The following KIZ variants were observed in gnomAD, a reference collection of about 807,000 sequenced individuals.
The protein encoded by KIZ is centrosomal protein kizuna.
A neutral mutation model predicts 79.6 loss-of-function variants in KIZ; 68 were observed. The observed-to-expected ratio is 0.85, with a 90% CI of 0.70 to 1.05. The LOEUF (loss-of-function observed/expected upper bound fraction) is 1.05. Ranked by LOEUF, KIZ falls within the 50% of genes least tolerant of loss-of-function variation. The probability of loss-of-function intolerance (pLI) is 0.00; values close to 1 mark genes in which losing one functional copy is unlikely to be tolerated. For synonymous variants in KIZ, 280 were observed against 281.8 expected (o/e 0.99, Z 0.06); for missense variants, 797 against 800.4 (o/e 1.00, Z 0.05).
At chr20:21,182,869 C>G (rs1481301243) in intron 6 of KIZ, among the ~76,000 whole-genome samples, 2 of 151,648 alleles carry the variant, frequency 1.3e-5, no homozygotes, top group Non-Finnish European at 2.9e-5. Flanking sequence ...CCCTCCCTCT[C>G]TCTGCTCTTT....
At chr20:21,179,807 A>G (rs529688033) in intron 6 of KIZ, among the ~76,000 whole-genome samples, 2 of 151,824 alleles carry the variant, frequency 1.3e-5, no homozygotes, top group Non-Finnish European at 2.9e-5. Context: ...GTCCCTGTTG[A>G]TTTATTTTGT....
chr20:21,211,532 A>T (rs1169750937), intron 7 of KIZ, among the ~76,000 whole-genome samples: 1 of 152,220 alleles, frequency 6.6e-6, no homozygotes, highest in African/African-American at 2.4e-5. Flanking sequence ...AATCATAAGC[A>T]CTATCAGAAA....
intron 6 of KIZ, among the ~76,000 whole-genome samples, chr20:21,171,646 T>C (rs1214231386): frequency 3.9e-5 from 6 of 152,142 alleles, no homozygotes; most frequent in African/African-American, 1.4e-4. Context: ...GGTTTCACCA[T>C]GTTGGCCAGG....
chr20:21,214,773 C>CT (rs2036219761), intron 8 of KIZ, 73 bp downstream of exon 8: 1 of 944,972 alleles, frequency 1.1e-6, no homozygotes, highest in African/African-American at 1.6e-5. Context: ...CAAGGTACAC[C>CT]TATAGAATAT....
chr20:21,210,621 A>T (rs2036028293), intron 7 of KIZ, among the ~76,000 whole-genome samples: 1 of 152,194 alleles, frequency 6.6e-6, no homozygotes, highest in Admixed American at 6.5e-5. Context: ...TAGATATAGA[A>T]TTAGTAGGTC....
intron 6 of KIZ, chr20:21,195,965 C>T (rs2144782): frequency 0.45 from 69,022 of 152,314 alleles, 17,399 homozygotes; most frequent in African/African-American, 0.69. Flanking sequence ...TTGCCTCACC[C>T]ACTTACCTGC....
In KIZ at chr20:21,171,916, C is replaced by G. The variant is rs886286070; in HGVS notation, c.1352+8757C>G. On this transcript the variant is annotated intron_variant, in intron 6 of 12. Transcript: ENST00000619189. ...TAGGTGCCCCAGTCCATAGTCCTTG[C>G]TGAGCCTTATCCTTCCAGTCGTCCC... Among the ~76,000 whole-genome samples the G allele has an allele frequency of 5.9e-5, 9 of 152,222 alleles. No homozygotes were observed. In the East Asian group the frequency reaches 1.7e-3, roughly 29 times the overall value.
At chr20:21,157,352 A>C (rs1434233148) in intron 4 of KIZ, among the ~76,000 whole-genome samples, 2 of 152,192 alleles carry the variant, frequency 1.3e-5, no homozygotes, top group Admixed American at 1.3e-4. Flanking sequence ...GTACTTATTA[A>C]TTAGTATATT....
At chr20:21,237,776 G>C (rs771022446) in intron 11 of KIZ, among the ~76,000 whole-genome samples, 1 of 152,130 alleles carries the variant, frequency 6.6e-6, no homozygotes, top group Non-Finnish European at 1.5e-5. Flanking sequence ...CTGTAGTCAG[G>C]GCTAGAAGCC....
intron 2 of KIZ, among the ~76,000 whole-genome samples, chr20:21,133,980 C>T (rs1426651011): frequency 2.0e-5 from 3 of 152,226 alleles, no homozygotes; most frequent in Non-Finnish European, 4.4e-5. Flanking sequence ...CTCCTTTACA[C>T]ATCTAGGCTT....
intron 6 of KIZ, among the ~76,000 whole-genome samples, chr20:21,169,180 C>T (rs1458739163): frequency 6.6e-6 from 1 of 152,114 alleles, no homozygotes. Flanking sequence ...TTGCAACCTA[C>T]TCATCTGACA....
chr20:21,137,719 G>T (rs1450233188), intron 3 of KIZ, among the ~76,000 whole-genome samples: 2 of 151,806 alleles, frequency 1.3e-5, no homozygotes, highest in African/African-American at 4.8e-5. Flanking sequence ...TCTCCTAAAT[G>T]CAGGGACAGT....
intron 6 of KIZ, among the ~76,000 whole-genome samples, chr20:21,185,306 T>C (rs1209531555): frequency 1.3e-5 from 2 of 152,142 alleles, no homozygotes; most frequent in Non-Finnish European, 2.9e-5. Context: ...GTTATTTTGA[T>C]GGACTGGAAA....
intron 6 of KIZ, among the ~76,000 whole-genome samples, chr20:21,201,733 TG>T (rs1452393763): frequency 1.3e-5 from 2 of 152,280 alleles, no homozygotes; most frequent in Non-Finnish European, 2.9e-5. Context: ...TGTTTTTTTA[TG>T]TGTCATCAAT....
At chr20:21,152,437 A>G (rs183422248) in intron 4 of KIZ, among the ~76,000 whole-genome samples, 16 of 152,286 alleles carry the variant, frequency 1.1e-4, no homozygotes, top group Non-Finnish European at 1.5e-4. Context: ...CCTCAGAATT[A>G]TAGAAAATTG....
intron 6 of KIZ, 89 bp from the exon 7 acceptor site, chr20:21,205,402 T>G (rs2035776658): frequency 3.5e-6 from 2 of 566,958 alleles, no homozygotes; most frequent in African/African-American, 2.0e-5. Flanking sequence ...GGATAAACCA[T>G]CTTCTACTAA....
chr20:21,167,068 G>GTC, intron 6 of KIZ, among the ~76,000 whole-genome samples: 1 of 152,332 alleles, frequency 6.6e-6, no homozygotes, highest in African/African-American at 2.4e-5. Context: ...GAGTGTGGAA[G>GTC]AAGTCCCTGA....
At chr20:21,218,786 C>G (rs1307340850) in intron 9 of KIZ, among the ~76,000 whole-genome samples, 4 of 152,158 alleles carry the variant, frequency 2.6e-5, no homozygotes, top group Admixed American at 2.6e-4. Flanking sequence ...CAGCATTTTT[C>G]TGTGATTTCA....
At chr20:21,161,043 A>T (rs1325643808) in intron 4 of KIZ, 1 of 152,192 alleles carries the variant, frequency 6.6e-6, no homozygotes, top group African/African-American at 2.4e-5. Context: ...GGGTAAAGTG[A>T]TATCTTATTG....
Sources: gnomAD v4.1 joint callset for allele counts (sites outside exome capture counted in the v4.1 genomes callset) on GRCh38, gnomAD v4.1.1 for gene constraint, MANE v1.5 for transcripts, NCBI Gene and HGNC (gene_info 2026-07-23, HGNC 2026-07-21) for gene names.